Variants in MAGI2 observed in about 807,000 individuals in gnomAD.
MAGI2 encodes the protein membrane-associated guanylate kinase, WW and PDZ domain-containing protein 2.
Under a neutral mutation model 133.3 loss-of-function variants are expected in MAGI2, and 35 were observed. The observed-to-expected ratio is 0.26, with a 90% CI of 0.20 to 0.35. The LOEUF is 0.35. MAGI2 is among the 10% of genes least tolerant of loss of function. The pLI is 1.00. For synonymous variants in MAGI2, 729 were observed against 710.6 expected, an observed-to-expected ratio of 1.03 and a Z score of -0.41; for missense variants, 1,636 against 1,863.4, an observed-to-expected ratio of 0.88 and a Z score of 2.25.
intron 2 of MAGI2, among the ~76,000 whole-genome samples, chr7:78,872,793 C>T (rs1261770654): frequency 6.6e-6 from 1 of 151,920 alleles, no homozygotes; most frequent in Non-Finnish European, 1.5e-5. Context: ...AGATTCTTAA[C>T]ATAAGAGAAG....
chr7:78,720,484 A>G (rs1033087637), intron 2 of MAGI2, among the ~76,000 whole-genome samples: 1 of 152,052 alleles, frequency 6.6e-6, no homozygotes, highest in East Asian at 1.9e-4. Flanking sequence ...AAAATCAGTC[A>G]TCTTAACCAT....
chr7:79,317,538 T>C (rs570761443), intron 1 of MAGI2, among the ~76,000 whole-genome samples: 1 of 152,326 alleles, frequency 6.6e-6, no homozygotes, highest in East Asian at 1.9e-4. Context: ...ATACCTTATA[T>C]TTCATCAGGG....
chr7:79,324,737 A>T lies in MAGI2; in HGVS notation c.301+128283T>A, dbSNP rs200305199. On this transcript the variant is annotated intron_variant, in intron 1 of 21. Coordinates refer to ENST00000354212, the MANE Select transcript of MAGI2 (RefSeq NM_012301.4). ...TATGTATATAAAATATATATATATT[A>T]TATATATATATATATAGTTTTCAGG... Among the ~76,000 whole-genome samples, 24 of 13,044 alleles carry T rather than the reference A, an allele frequency of 1.8e-3. 8 individuals are homozygous for T. Among genetic ancestry groups the T allele is most frequent in the East Asian group, 5.9e-3 (7 of 1,196 alleles). 8.6% of individuals were successfully genotyped at this position (13,044 alleles called of 152,430 possible).
At chr7:79,267,717 G>GTT (rs1159829567) in intron 1 of MAGI2, among the ~76,000 whole-genome samples, 1 of 152,092 alleles carries the variant, frequency 6.6e-6, no homozygotes, top group African/African-American at 2.4e-5. Context: ...CAGATAGAAG[G>GTT]AGAAAAGACA....
At position 79,298,848 on chromosome 7, in the gene MAGI2, CTG is replaced by C. The variant is rs368794570; in HGVS notation, c.301+154170_301+154171del. On this transcript the variant is annotated intron_variant, in intron 1 of 21. Coordinates refer to ENST00000354212, the MANE Select transcript of MAGI2 (RefSeq NM_012301.4). ...GAAACACATACATGCAGAGGGAAAA[CTG>C]TGTGAAGACAGAGGGAAAAGACAGA... Among the ~76,000 whole-genome samples the C allele has an allele frequency of 2.0e-3, 298 of 152,208 alleles. 1 individual carries two copies. Among genetic ancestry groups the C allele is most frequent in the East Asian group, 0.012 (61 of 5,162 alleles).
At chr7:78,931,484 G>A (rs1800117255) in intron 2 of MAGI2, among the ~76,000 whole-genome samples, 1 of 152,000 alleles carries the variant, frequency 6.6e-6, no homozygotes, top group Non-Finnish European at 1.5e-5. Context: ...CTGGACAGTG[G>A]GACTTCTCTG....
In MAGI2 at chr7:78,960,626, T is replaced by C. The variant is rs370277820; in HGVS notation, c.418+46464A>G. Reference sequence around the variant, plus strand: ...TCTGCTAGAATCCTGTACTAAGTACTTATCCTAAACTTGCCATTATTTAAA... The same window carrying C: ...TCTGCTAGAATCCTGTACTAAGTACCTATCCTAAACTTGCCATTATTTAAA... On this transcript the variant is annotated intron_variant, in intron 2 of 21. Coordinates refer to ENST00000354212, the MANE Select transcript of MAGI2 (RefSeq NM_012301.4). Among the ~76,000 whole-genome samples the C allele has an allele frequency of 4.6e-5, 7 of 152,282 alleles. No homozygotes were observed. In the East Asian group the frequency reaches 9.7e-4, roughly 21 times the overall value.
At chr7:79,439,314 C>T (rs1164725077) in intron 1 of MAGI2, among the ~76,000 whole-genome samples, 6 of 152,070 alleles carry the variant, frequency 3.9e-5, no homozygotes, top group Non-Finnish European at 7.4e-5. Context: ...TTCCACCTGT[C>T]CTATCTTCTT....
chr7:78,235,334 G>T (rs554012540), intron 10 of MAGI2, among the ~76,000 whole-genome samples: 1 of 152,274 alleles, frequency 6.6e-6, no homozygotes, highest in South Asian at 2.1e-4. Flanking sequence ...TTAGAAGGGG[G>T]CAGGAAATAG....
chr7:78,746,758 G>T (rs1374151533), intron 2 of MAGI2, among the ~76,000 whole-genome samples: 1 of 152,064 alleles, frequency 6.6e-6, no homozygotes, highest in East Asian at 1.9e-4. Flanking sequence ...ATCAGGTTTT[G>T]ATTTAGTCTG....
At chr7:78,362,125 A>G (rs1444496148) in intron 7 of MAGI2, among the ~76,000 whole-genome samples, 2 of 152,058 alleles carry the variant, frequency 1.3e-5, no homozygotes, top group African/African-American at 4.8e-5. Context: ...AACATGGTGA[A>G]GCCCCACCTC....
chr7:78,195,874 A>G (rs980937148), intron 11 of MAGI2, among the ~76,000 whole-genome samples: 2 of 152,220 alleles, frequency 1.3e-5, no homozygotes, highest in African/African-American at 2.4e-5. Flanking sequence ...ACCTTCATTC[A>G]TCAACTGATG....
At chr7:79,066,273 T>C (rs1160967959) in intron 1 of MAGI2, among the ~76,000 whole-genome samples, 1 of 150,640 alleles carries the variant, frequency 6.6e-6, no homozygotes, top group East Asian at 1.9e-4. Flanking sequence ...TGAGATGATA[T>C]CTCAGTGTGG....
At chr7:79,051,622 G>A (rs1411313693) in intron 1 of MAGI2, among the ~76,000 whole-genome samples, 1 of 152,036 alleles carries the variant, frequency 6.6e-6, no homozygotes, top group Non-Finnish European at 1.5e-5. Flanking sequence ...AAAATCAGCT[G>A]AGCACCAAGT....
At chr7:79,305,454 C>T (rs555412506) in intron 1 of MAGI2, among the ~76,000 whole-genome samples, 29 of 152,212 alleles carry the variant, frequency 1.9e-4, no homozygotes, top group Admixed American at 3.3e-4. Flanking sequence ...AGAACATTGA[C>T]GTATTAATAC....
At chr7:79,120,143 A>T in intron 1 of MAGI2, among the ~76,000 whole-genome samples, 1 of 152,086 alleles carries the variant, frequency 6.6e-6, no homozygotes, top group East Asian at 1.9e-4. Context: ...GAAGATATTT[A>T]ACTTGTATTC....
chr7:78,443,112 T>C (rs1255209965), intron 6 of MAGI2, among the ~76,000 whole-genome samples: 1 of 152,208 alleles, frequency 6.6e-6, no homozygotes, highest in Non-Finnish European at 1.5e-5. Context: ...AAATACTCTA[T>C]CTAGACTTTG....
intron 3 of MAGI2, among the ~76,000 whole-genome samples, chr7:78,597,652 T>C (rs1305034004): frequency 6.6e-6 from 1 of 152,218 alleles, no homozygotes; most frequent in Non-Finnish European, 1.5e-5. Context: ...ACTGCCCTTA[T>C]CCTTCCTGCT....
At chr7:78,342,506 A>T (rs1307230241) in intron 9 of MAGI2, among the ~76,000 whole-genome samples, 1 of 152,210 alleles carries the variant, frequency 6.6e-6, no homozygotes, top group Admixed American at 6.5e-5. Context: ...AGACACATGC[A>T]CACGTATGTT....
Sources: gnomAD v4.1 joint callset for allele counts (sites outside exome capture counted in the v4.1 genomes callset) on GRCh38, gnomAD v4.1.1 for gene constraint, MANE v1.5 for transcripts, NCBI Gene and HGNC (gene_info 2026-07-23, HGNC 2026-07-21) for gene names.